EYS: variants seen among roughly 807,000 people sequenced by gnomAD.
EYS encodes EGF-like photoreceptor maintenance factor, also known as protein eyes shut homolog.
Under a neutral mutation model 282.1 loss-of-function variants are expected in EYS, and 250 were observed. That is an observed-to-expected ratio of 0.89 (90% confidence interval 0.80 to 0.98). EYS has a LOEUF of 0.98. Among genes scored for constraint, EYS ranks in the 50% least tolerant of loss-of-function variants. The pLI, the probability that EYS is intolerant of heterozygous loss-of-function variation, is 0.00. For synonymous variants in EYS, 1,355 were observed against 1,282.9 expected (o/e 1.06, Z -1.20); for missense variants, 4,016 against 3,709.0 (o/e 1.08, Z -2.15).
intron 2 of EYS, among the ~76,000 whole-genome samples, chr6:65,555,615 G>T (rs1347137663): frequency 6.6e-6 from 1 of 151,972 alleles, no homozygotes; most frequent in Non-Finnish European, 1.5e-5. Context: ...ACAGAAGCTG[G>T]TTCAAATATT....
At chr6:64,510,109 A>C (rs1041213783) in intron 26 of EYS, among the ~76,000 whole-genome samples, 1 of 152,180 alleles carries the variant, frequency 6.6e-6, no homozygotes, top group Non-Finnish European at 1.5e-5. Flanking sequence ...AAAGTGGAGA[A>C]GACAAACTCA....
At chr6:63,752,882 G>T (rs971437480) in intron 41 of EYS, among the ~76,000 whole-genome samples, 1 of 151,872 alleles carries the variant, frequency 6.6e-6, no homozygotes, top group Non-Finnish European at 1.5e-5. Flanking sequence ...TTGGTGTGAT[G>T]GCTGGAATGT....
At chr6:64,234,265 T>C (rs1357540257) in intron 30 of EYS, among the ~76,000 whole-genome samples, 1 of 151,946 alleles carries the variant, frequency 6.6e-6, no homozygotes, top group African/African-American at 2.4e-5. Flanking sequence ...TCACTTTTTT[T>C]TTTACAAAAA....
chr6:64,143,633 A>G (rs939934914), intron 31 of EYS, among the ~76,000 whole-genome samples: 1 of 152,174 alleles, frequency 6.6e-6, no homozygotes, highest in Non-Finnish European at 1.5e-5. Flanking sequence ...AGGGCAGAAA[A>G]CTGGGTCTCT....
intron 22 of EYS, among the ~76,000 whole-genome samples, chr6:64,721,551 T>C (rs1420210452): frequency 1.3e-5 from 2 of 152,170 alleles, no homozygotes; most frequent in Admixed American, 6.5e-5. Context: ...CTTACATCAG[T>C]ACACAAAATA....
At chr6:65,620,432 G>A (rs900104345) in intron 2 of EYS, among the ~76,000 whole-genome samples, 7 of 151,890 alleles carry the variant, frequency 4.6e-5, no homozygotes, top group Non-Finnish European at 1.0e-4. Context: ...GTGTCTATTT[G>A]ATTCTTCTCT....
chr6:65,392,037 C>T (rs1467884051), intron 7 of EYS, among the ~76,000 whole-genome samples: 2 of 152,066 alleles, frequency 1.3e-5, no homozygotes, highest in Admixed American at 6.6e-5. Flanking sequence ...ACTATCTGAT[C>T]TTTGACAAAC....
At chr6:64,706,046 C>T (rs1204768635) in intron 22 of EYS, among the ~76,000 whole-genome samples, 2 of 150,192 alleles carry the variant, frequency 1.3e-5, no homozygotes, top group African/African-American at 2.5e-5. Flanking sequence ...AATCTGGAGG[C>T]ATCACATTAC....
chr6:65,476,750 T>C (rs1165623332), intron 5 of EYS, among the ~76,000 whole-genome samples: 2 of 152,102 alleles, frequency 1.3e-5, no homozygotes, highest in Admixed American at 6.5e-5. Flanking sequence ...CTAATTTTTA[T>C]ATTTGTAGTA....
At chr6:64,297,668 C>T (rs181801513) in intron 30 of EYS, among the ~76,000 whole-genome samples, 4 of 152,184 alleles carry the variant, frequency 2.6e-5, no homozygotes, top group Admixed American at 2.6e-4. Context: ...CTATATTTGA[C>T]AAAACAGTCC....
intron 29 of EYS, among the ~76,000 whole-genome samples, chr6:64,385,272 T>A (rs1772871797): frequency 6.6e-6 from 1 of 152,212 alleles, no homozygotes; most frequent in Non-Finnish European, 1.5e-5. Context: ...GTATCAGTCA[T>A]CTGGTATATA....
intron 35 of EYS, among the ~76,000 whole-genome samples, chr6:63,916,246 C>T (rs1764419221): frequency 6.6e-6 from 1 of 152,188 alleles, no homozygotes; most frequent in African/African-American, 2.4e-5. Flanking sequence ...ACTGAAGGCT[C>T]AGATGATTGT....
At chr6:65,174,049 A>G (rs1765171859) in intron 12 of EYS, among the ~76,000 whole-genome samples, 1 of 151,260 alleles carries the variant, frequency 6.6e-6, no homozygotes, top group African/African-American at 2.4e-5. Flanking sequence ...ACCAACCCAC[A>G]TGATACAAAA....
chr6:64,542,784 A>G (rs1240612487), intron 26 of EYS, among the ~76,000 whole-genome samples: 1 of 152,100 alleles, frequency 6.6e-6, no homozygotes, highest in Non-Finnish European at 1.5e-5. Flanking sequence ...GAAAGTTAGC[A>G]TCTATATTTT....
At chr6:65,198,239 G>A (rs1765816857) in intron 12 of EYS, among the ~76,000 whole-genome samples, 1 of 152,060 alleles carries the variant, frequency 6.6e-6, no homozygotes, top group Non-Finnish European at 1.5e-5. Context: ...GTGTGCAGGG[G>A]CAGTAACATG....
At chr6:64,540,128 T>TA (rs1582870941) in intron 26 of EYS, among the ~76,000 whole-genome samples, 1 of 152,166 alleles carries the variant, frequency 6.6e-6, no homozygotes, top group Admixed American at 6.5e-5. Flanking sequence ...CTTTTCCAGA[T>TA]AAAAAAGCTG....
chr6:64,753,408 T>TAGG (rs944852405), intron 22 of EYS, among the ~76,000 whole-genome samples: 5 of 150,586 alleles, frequency 3.3e-5, no homozygotes, highest in Admixed American at 1.3e-4. Context: ...AGACTCAAGG[T>TAGG]AAAGGGGTGG....
intron 41 of EYS, among the ~76,000 whole-genome samples, chr6:63,733,716 C>G (rs1224052680): frequency 1.3e-5 from 2 of 152,128 alleles, no homozygotes; most frequent in African/African-American, 4.8e-5. Flanking sequence ...ATTCTATGAA[C>G]CTCAGTTCTC....
intron 12 of EYS, among the ~76,000 whole-genome samples, chr6:65,178,841 C>T (rs987785519): frequency 3.9e-5 from 6 of 152,036 alleles, no homozygotes; most frequent in African/African-American, 1.2e-4. Flanking sequence ...TGTAAAAGAA[C>T]AGAAATTATA....
Sources: allele counts gnomAD v4.1 joint callset (sites outside exome capture counted in the v4.1 genomes callset), GRCh38; gene constraint gnomAD v4.1.1; transcripts MANE v1.5; gene names NCBI Gene and HGNC (gene_info 2026-07-23, HGNC 2026-07-21).